The following GABBR2 variants were observed in gnomAD, a reference collection of about 807,000 sequenced individuals.
The protein encoded by GABBR2 is G-protein coupled receptor 51.
Under a neutral mutation model 105.6 loss-of-function variants are expected in GABBR2, and 23 were observed. That is an observed-to-expected ratio of 0.22 (90% CI 0.16 to 0.31). The LOEUF is 0.31. GABBR2 is among the 10% of genes least tolerant of loss of function. The pLI, the probability that GABBR2 is intolerant of heterozygous loss-of-function variation, is 1.00. For missense variants in GABBR2, 734 were observed against 1,245.5 expected (o/e 0.59, Z 6.18); for synonymous variants, 478 against 499.7 (o/e 0.96, Z 0.58).
chr9:98,396,560 TACCTGGGTC>T (rs1407294143), intron 8 of GABBR2, among the ~76,000 whole-genome samples: 1 of 152,202 alleles, frequency 6.6e-6, no homozygotes, highest in Non-Finnish European at 1.5e-5. Context: ...GGCTGTTGCT[TACCTGGGTC>T]ACCCGGCCCC....
chr9:98,361,769 A>G (rs1249352002), intron 13 of GABBR2, among the ~76,000 whole-genome samples: 1 of 152,146 alleles, frequency 6.6e-6, no homozygotes, highest in Non-Finnish European at 1.5e-5. Flanking sequence ...ATAGTTCTCA[A>G]TCTCTTTCCT....
intron 2 of GABBR2, among the ~76,000 whole-genome samples, chr9:98,543,089 A>G (rs1277708311): frequency 2.0e-5 from 3 of 151,762 alleles, no homozygotes; most frequent in Non-Finnish European, 4.4e-5. Flanking sequence ...TCTCTTTATT[A>G]TTTCTTCTTT....
At chr9:98,500,810 G>A (rs182177964) in intron 3 of GABBR2, among the ~76,000 whole-genome samples, 6 of 152,206 alleles carry the variant, frequency 3.9e-5, no homozygotes, top group Admixed American at 6.5e-5. Context: ...CTCAAACAGT[G>A]GCCCCTGCAC....
chr9:98,609,551 T>A lies in GABBR2; in HGVS notation c.322-31479A>T, dbSNP rs368152800. Among the ~76,000 whole-genome samples the A allele has an allele frequency of 4.7e-4, 72 of 152,210 alleles. 3 individuals carry two copies. The South Asian group carries it at 0.015, about 32-fold the overall frequency. ...CCTAACCCCTCCCAGCTATAACCCA[T>A]CTGGGTGGGCTGAGCCCTAAGCCCT... On this transcript the variant is annotated intron_variant, in intron 1 of 18. Transcript: ENST00000259455.
At chr9:98,373,731 TAC>T (rs937881836) in intron 11 of GABBR2, among the ~76,000 whole-genome samples, 1 of 152,104 alleles carries the variant, frequency 6.6e-6, no homozygotes, top group East Asian at 1.9e-4. Context: ...AATGACCATA[TAC>T]AGACCATGGG....
chr9:98,639,447 T>G (rs1174879324), intron 1 of GABBR2, among the ~76,000 whole-genome samples: 1 of 152,118 alleles, frequency 6.6e-6, no homozygotes, highest in Non-Finnish European at 1.5e-5. Flanking sequence ...AAATGGACTT[T>G]AGGGACCCAG....
chr9:98,617,640 T>C (rs1829605729), intron 1 of GABBR2, among the ~76,000 whole-genome samples: 1 of 152,194 alleles, frequency 6.6e-6, no homozygotes, highest in African/African-American at 2.4e-5. Context: ...AGGGATTTCT[T>C]TGGCCTTGAT....
chr9:98,646,943 C>A (rs1830034323), intron 1 of GABBR2, among the ~76,000 whole-genome samples: 1 of 152,202 alleles, frequency 6.6e-6, no homozygotes, highest in Non-Finnish European at 1.5e-5. Flanking sequence ...GTGACATCTT[C>A]AAGGACTAGA....
intron 11 of GABBR2, among the ~76,000 whole-genome samples, chr9:98,383,836 G>T (rs1448956130): frequency 6.6e-6 from 1 of 152,172 alleles, no homozygotes; most frequent in Non-Finnish European, 1.5e-5. Flanking sequence ...CTGTCCCAGA[G>T]CAGAGGGACT....
At chr9:98,300,877 A>G (rs7850574) in intron 16 of GABBR2, among the ~76,000 whole-genome samples, 12,452 of 152,156 alleles carry the variant, frequency 0.082, 1,743 homozygotes, top group African/African-American at 0.28. Context: ...TAGATCATGC[A>G]TTTTTGTCCA....
At chr9:98,332,443 C>T (rs757861440) in intron 13 of GABBR2, among the ~76,000 whole-genome samples, 10 of 152,120 alleles carry the variant, frequency 6.6e-5, no homozygotes, top group African/African-American at 2.2e-4. Flanking sequence ...CAGTTAATGA[C>T]GCTCACAGTA....
intron 13 of GABBR2, among the ~76,000 whole-genome samples, chr9:98,359,769 C>T (rs562749292): frequency 1.1e-4 from 16 of 152,294 alleles, no homozygotes; most frequent in Non-Finnish European, 2.2e-4. Context: ...AGATGCCGGC[C>T]GTGGCGTGCT....
At chr9:98,400,194 T>A (rs533339010) in intron 8 of GABBR2, among the ~76,000 whole-genome samples, 81 of 147,390 alleles carry the variant, frequency 5.5e-4, no homozygotes, top group African/African-American at 1.9e-3. Context: ...CTTTTTTTTT[T>A]TTAAAAAAAA....
chr9:98,551,365 C>T (rs1252411610), intron 2 of GABBR2, among the ~76,000 whole-genome samples: 10 of 152,076 alleles, frequency 6.6e-5, no homozygotes, highest in Admixed American at 2.0e-4. Flanking sequence ...ATCATGCCAC[C>T]GCACTCCAGC....
At chr9:98,303,004 T>G in intron 16 of GABBR2, 1 of 471,852 alleles carries the variant, frequency 2.1e-6, no homozygotes, top group South Asian at 4.7e-5. Flanking sequence ...ATGGCTTGAA[T>G]CAGGTGTTGC....
At chr9:98,523,131 A>C (rs1397530937) in intron 3 of GABBR2, among the ~76,000 whole-genome samples, 3 of 152,232 alleles carry the variant, frequency 2.0e-5, no homozygotes, top group Non-Finnish European at 4.4e-5. Flanking sequence ...TATATGCTTA[A>C]CTACGCTTAA....
At chr9:98,360,014 T>C (rs1210028823) in intron 13 of GABBR2, among the ~76,000 whole-genome samples, 1 of 152,166 alleles carries the variant, frequency 6.6e-6, no homozygotes, top group Non-Finnish European at 1.5e-5. Context: ...GGACACAGCA[T>C]GAGCAAAGGC....
At chr9:98,604,883 T>C (rs1829390559) in intron 1 of GABBR2, among the ~76,000 whole-genome samples, 1 of 152,208 alleles carries the variant, frequency 6.6e-6, no homozygotes, top group Non-Finnish European at 1.5e-5. Flanking sequence ...TACTCCAATC[T>C]AGACCCCTCA....
intron 6 of GABBR2, among the ~76,000 whole-genome samples, chr9:98,459,456 A>G (rs536907568): frequency 3.0e-4 from 45 of 152,300 alleles, no homozygotes; most frequent in African/African-American, 1.0e-3. Flanking sequence ...AAAGCATTGG[A>G]TCAGAGTTTT....
Sources: gnomAD v4.1 joint callset for allele counts (sites outside exome capture counted in the v4.1 genomes callset) on GRCh38, gnomAD v4.1.1 for gene constraint, MANE v1.5 for transcripts, NCBI Gene and HGNC (gene_info 2026-07-23, HGNC 2026-07-21) for gene names.